Variants in ABRAXAS2 observed in about 807,000 individuals in gnomAD.
The protein encoded by ABRAXAS2 is abraxas 2, BRISC complex subunit.
ABRAXAS2 carries 23 observed loss-of-function variants against 49.0 expected under a neutral mutation model. The observed-to-expected ratio is 0.47, with a 90% CI of 0.34 to 0.66. ABRAXAS2 has a LOEUF of 0.66. ABRAXAS2 is among the 30% of genes least tolerant of loss of function. The probability of loss-of-function intolerance (pLI) is 0.01; values close to 1 mark genes in which losing one functional copy is unlikely to be tolerated. For missense variants in ABRAXAS2, 443 were observed against 511.9 expected (o/e 0.87, Z 1.30); for synonymous variants, 168 against 180.2 (o/e 0.93, Z 0.54).
chr10:124,816,310 G>A (rs1335625354), intron 2 of ABRAXAS2, among the ~76,000 whole-genome samples: 5 of 152,182 alleles, frequency 3.3e-5, no homozygotes, highest in East Asian at 1.9e-4. Flanking sequence ...CAATAGCTGC[G>A]TATTCCTAAA....
intron 8 of ABRAXAS2, among the ~76,000 whole-genome samples, chr10:124,833,312 A>C (rs1950947344): frequency 6.6e-6 from 1 of 150,688 alleles, no homozygotes; most frequent in South Asian, 2.1e-4. Flanking sequence ...ACTTCAAAAA[A>C]AAAAAAGCCA....
chr10:124,806,633 T>G (rs552714400), intron 1 of ABRAXAS2, among the ~76,000 whole-genome samples, 198 bp from the exon 2 acceptor site: 6 of 152,234 alleles, frequency 3.9e-5, no homozygotes, highest in Admixed American at 3.9e-4. Context: ...CTTGTTATCC[T>G]TTTTTGGAAC....
chr10:124,823,564 G>T (rs1950876195), intron 4 of ABRAXAS2, among the ~76,000 whole-genome samples: 1 of 152,142 alleles, frequency 6.6e-6, no homozygotes, highest in South Asian at 2.1e-4. Context: ...TCATCATAAG[G>T]CCAAAAGAAC....
chr10:124,813,807 G>A (rs1950806343), intron 2 of ABRAXAS2, among the ~76,000 whole-genome samples: 1 of 152,128 alleles, frequency 6.6e-6, no homozygotes, highest in African/African-American at 2.4e-5. Flanking sequence ...AACTGCTTTG[G>A]TAACAGTGCA....
At chr10:124,824,912 A>G (rs1179550812) in intron 4 of ABRAXAS2, among the ~76,000 whole-genome samples, 2 of 152,160 alleles carry the variant, frequency 1.3e-5, no homozygotes, top group African/African-American at 4.8e-5. Context: ...CATCATGTCT[A>G]GTGTAGAATG....
intron 2 of ABRAXAS2, among the ~76,000 whole-genome samples, chr10:124,814,540 C>T (rs1950811334): frequency 1.3e-5 from 2 of 151,500 alleles, no homozygotes; most frequent in Non-Finnish European, 2.9e-5. Flanking sequence ...TTGTTTTCAC[C>T]ATATTGGCCA....
rs913449757 is a variant in ABRAXAS2, at chr10:124,835,799, G to T, written c.*828G>T. On this transcript the variant is annotated 3_prime_UTR_variant, in exon 9 of 9. Coordinates refer to ENST00000298492, the MANE Select transcript of ABRAXAS2 (RefSeq NM_032182.4). Reference sequence around the variant, plus strand: ...TTATAATGAACAGATTCCAGACACGGTAGGTTTAGCTGAGTTCATACAGAG... The same window carrying T: ...TTATAATGAACAGATTCCAGACACGTTAGGTTTAGCTGAGTTCATACAGAG... 1 of 152,254 alleles carries T rather than the reference G, an allele frequency of 6.6e-6. No individual in the cohort carries two copies. Among genetic ancestry groups the T allele is most frequent in the African/African-American group, 2.4e-5 (1 of 41,450 alleles). The allele number at this position is 152,254 out of a possible 1,614,324, so 9.4% of individuals were successfully genotyped here. A position where few individuals can be genotyped will look rare whatever the true frequency, so the allele number is the denominator to read the frequency against.
intron 8 of ABRAXAS2, among the ~76,000 whole-genome samples, chr10:124,831,946 G>C (rs1025305104): frequency 6.7e-6 from 1 of 149,432 alleles, no homozygotes; most frequent in African/African-American, 2.5e-5. Flanking sequence ...TCCACCTCCT[G>C]GGTTCAAACG....
At position 124,836,487 on chromosome 10, in the gene ABRAXAS2, G is replaced by A. The variant is rs1950969244; in HGVS notation, c.*1516G>A. ...TGCAAATGTGTTCCAGTTGTTATCA[G>A]CTACCTACTACGCAGCTTCAGCGCC... On this transcript the variant is annotated 3_prime_UTR_variant, in exon 9 of 9. Transcript: ENST00000298492. 1 of 152,330 alleles carries A rather than the reference G, an allele frequency of 6.6e-6. No homozygotes were observed. The highest frequency in any genetic ancestry group is 6.6e-5 in the Admixed American group (1 of 15,246). 9.4% of individuals were successfully genotyped at this position (152,330 alleles called of 1,614,324 possible).
intron 4 of ABRAXAS2, among the ~76,000 whole-genome samples, chr10:124,824,974 T>C (rs1950887945): frequency 6.6e-6 from 1 of 152,206 alleles, no homozygotes. Context: ...ATTCCACATC[T>C]TGGCTGTCAC....
At chr10:124,823,922 T>C (rs1343849180) in intron 4 of ABRAXAS2, among the ~76,000 whole-genome samples, 1 of 152,192 alleles carries the variant, frequency 6.6e-6, no homozygotes, top group Non-Finnish European at 1.5e-5. Flanking sequence ...TTTTGTTTTG[T>C]TTTGTTTTGT....
chr10:124,814,599 C>T (rs965062813), intron 2 of ABRAXAS2, among the ~76,000 whole-genome samples: 9 of 151,990 alleles, frequency 5.9e-5, no homozygotes, highest in Admixed American at 1.3e-4. Flanking sequence ...CCTTGGCCTC[C>T]CGAAGTGCTG....
In ABRAXAS2 at chr10:124,813,061, C is replaced by T. The variant is rs150935251; in HGVS notation, c.164-3515C>T. On this transcript the variant is annotated intron_variant, in intron 2 of 8. Coordinates refer to ENST00000298492, the MANE Select transcript of ABRAXAS2 (RefSeq NM_032182.4). ...TACTAAAAGTACAAAATTAGCCAGG[C>T]GAGGTGGTGCACGCCTGTAATCCCA... is the stretch of plus-strand genomic sequence containing the variant. Among the ~76,000 whole-genome samples, 1,039 of 152,156 alleles carry T rather than the reference C, an allele frequency of 6.8e-3. 13 individuals carry two copies. Among genetic ancestry groups the T allele is most frequent in the African/African-American group, 0.024 (1,014 of 41,514 alleles).
intron 2 of ABRAXAS2, among the ~76,000 whole-genome samples, chr10:124,811,752 A>G (rs1279672100): frequency 6.6e-6 from 1 of 152,134 alleles, no homozygotes; most frequent in Non-Finnish European, 1.5e-5. Context: ...AAAAAGAAAC[A>G]TAATAAAACA....
At chr10:124,818,584 C>T (rs1416219589) in intron 3 of ABRAXAS2, among the ~76,000 whole-genome samples, 1 of 152,086 alleles carries the variant, frequency 6.6e-6, no homozygotes, top group Non-Finnish European at 1.5e-5. Context: ...CCTTCCAAGT[C>T]AGTGGCTTTT....
chr10:124,825,903 G>T (rs1429652604), intron 4 of ABRAXAS2, among the ~76,000 whole-genome samples: 1 of 152,100 alleles, frequency 6.6e-6, no homozygotes, highest in Non-Finnish European at 1.5e-5. Context: ...TTAGGGATGG[G>T]GTCCAGGAAT....
At chr10:124,821,162 C>T (rs1184197927) in intron 4 of ABRAXAS2, among the ~76,000 whole-genome samples, 1 of 152,284 alleles carries the variant, frequency 6.6e-6, no homozygotes, top group East Asian at 1.9e-4. Context: ...ATCTGCCCAC[C>T]TCGGCCTCCC....
chr10:124,810,942 G>T (rs906046710), intron 2 of ABRAXAS2, among the ~76,000 whole-genome samples: 2 of 151,018 alleles, frequency 1.3e-5, no homozygotes, highest in Non-Finnish European at 2.9e-5. Flanking sequence ...TAAAACAGCC[G>T]GGCGTGGTGG....
At chr10:124,806,242 C>G (rs1265245533) in intron 1 of ABRAXAS2, among the ~76,000 whole-genome samples, 2 of 150,964 alleles carry the variant, frequency 1.3e-5, no homozygotes, top group African/African-American at 2.4e-5. Context: ...GAAGGTGGAG[C>G]TTGCAGTTAG....
Sources: gnomAD v4.1 joint callset for allele counts (sites outside exome capture counted in the v4.1 genomes callset) on GRCh38, gnomAD v4.1.1 for gene constraint, MANE v1.5 for transcripts, NCBI Gene and HGNC (gene_info 2026-07-23, HGNC 2026-07-21) for gene names.